NCAM1: variants seen among roughly 807,000 people sequenced by gnomAD.
NCAM1 encodes neural cell adhesion molecule 1.
Under a neutral mutation model 109.8 loss-of-function variants are expected in NCAM1, and 14 were observed. That is an observed-to-expected ratio of 0.13 (90% CI 0.08 to 0.20). The LOEUF (loss-of-function observed/expected upper bound fraction) is 0.20, where lower values mean the gene tolerates loss of function less well. Ranked by LOEUF, NCAM1 falls within the 10% of genes least tolerant of loss-of-function variation. The pLI is 1.00. For synonymous variants in NCAM1, 418 were observed against 442.9 expected, an observed-to-expected ratio of 0.94 and a Z score of 0.70; for missense variants, 774 against 1,109.9, an observed-to-expected ratio of 0.70 and a Z score of 4.30.
At chr11:113,089,927 A>G (rs1006441162) in intron 1 of NCAM1, among the ~76,000 whole-genome samples, 7 of 152,216 alleles carry the variant, frequency 4.6e-5, no homozygotes, top group African/African-American at 1.7e-4. Flanking sequence ...TCTTGTCTAT[A>G]AGATTCTATT....
In NCAM1 at chr11:113,246,355, C is replaced by T. The variant is rs782108431; in HGVS notation, c.1826-13C>T. The T allele has an allele frequency of 2.6e-5, 19 of 741,678 alleles. No individual in the cohort carries two copies. Among genetic ancestry groups the T allele is most frequent in the South Asian group, 1.1e-4 (8 of 69,998 alleles). The allele number at this position is 741,678 out of a possible 1,614,324, so 45.9% of individuals were successfully genotyped here. Reference sequence around the variant, plus strand: ...TGCATGGTGCTGATGATGTCGTCCACGCTGGTGAACAGAAGGTAAAACTCT... The same window carrying T: ...TGCATGGTGCTGATGATGTCGTCCATGCTGGTGAACAGAAGGTAAAACTCT... On this transcript the variant is annotated splice_polypyrimidine_tract_variant and intron_variant, in intron 14 of 19. Transcript: ENST00000316851.
chr11:113,138,219 A>C lies in NCAM1; in HGVS notation c.53-64160A>C, dbSNP rs148506536. On this transcript the variant is annotated intron_variant, in intron 1 of 19. Coordinates refer to ENST00000316851, the MANE Select transcript of NCAM1 (RefSeq NM_181351.5). ...TTTCCCCAAATTGATTAATTTCTCG[A>C]CGTGCTGGCAGGTTTTTCCATGGAT... Among the ~76,000 whole-genome samples the C allele has an allele frequency of 5.3e-5, 8 of 152,332 alleles. No individual in the cohort carries two copies. The East Asian group carries it at 1.2e-3, about 22-fold the overall frequency.
chr11:113,195,495 A>ATTTTTTTTT (rs561856662), intron 1 of NCAM1, among the ~76,000 whole-genome samples: 2 of 85,584 alleles, frequency 2.3e-5, no homozygotes, highest in Non-Finnish European at 2.0e-5. Flanking sequence ...CCCTTAGTAG[A>ATTTTTTTTT]TTTTTTTTTT....
intron 1 of NCAM1, among the ~76,000 whole-genome samples, chr11:113,173,064 T>C (rs1943040599): frequency 6.6e-6 from 1 of 152,156 alleles, no homozygotes; most frequent in Non-Finnish European, 1.5e-5. Flanking sequence ...ATACTGATGT[T>C]CCCTCAGAAA....
At chr11:113,215,845 C>A (rs1944511658) in intron 8 of NCAM1, among the ~76,000 whole-genome samples, 2 of 152,170 alleles carry the variant, frequency 1.3e-5, no homozygotes, top group African/African-American at 4.8e-5. Context: ...AGATTTCAGC[C>A]CCACTCATGT....
intron 1 of NCAM1, among the ~76,000 whole-genome samples, chr11:113,147,527 A>C (rs1176270135): frequency 6.6e-6 from 1 of 152,188 alleles, no homozygotes; most frequent in Non-Finnish European, 1.5e-5. Context: ...CCTCTTCTCT[A>C]ATGAGGTCAC....
intron 1 of NCAM1, among the ~76,000 whole-genome samples, chr11:113,154,094 G>A (rs1942329689): frequency 6.6e-6 from 1 of 152,216 alleles, no homozygotes; most frequent in Admixed American, 6.5e-5. Context: ...TTGCATAAGA[G>A]AATAAATGTA....
At chr11:113,075,467 G>A (rs892067582) in intron 1 of NCAM1, among the ~76,000 whole-genome samples, 1 of 152,138 alleles carries the variant, frequency 6.6e-6, no homozygotes, top group Admixed American at 6.5e-5. Context: ...TTTCTGTATC[G>A]GATGCCTGGT....
In NCAM1 at chr11:113,181,705, T is replaced by C. The variant is rs540829503; in HGVS notation, c.53-20674T>C. ...AATATTTAAGAAAAAAAAGAGGGGG[T>C]GGTTACTATGTGGTTGTAATCCAGA... On this transcript the variant is annotated intron_variant, in intron 1 of 19. Transcript: ENST00000316851. Among the ~76,000 whole-genome samples the C allele has an allele frequency of 3.2e-3, 491 of 151,612 alleles. 2 individuals are homozygous for C. Among genetic ancestry groups the C allele is most frequent in the African/African-American group, 0.011 (469 of 41,310 alleles).
chr11:113,051,551 A>G (rs1953490791), intron 1 of NCAM1, among the ~76,000 whole-genome samples: 1 of 152,158 alleles, frequency 6.6e-6, no homozygotes, highest in Non-Finnish European at 1.5e-5. Flanking sequence ...TAAGATTAAC[A>G]TTTTGGTGTC....
chr11:112,995,883 A>G (rs1176837909), intron 1 of NCAM1, among the ~76,000 whole-genome samples: 1 of 152,146 alleles, frequency 6.6e-6, no homozygotes. Context: ...GAAGTAATCA[A>G]TCAACTCTGC....
intron 1 of NCAM1, among the ~76,000 whole-genome samples, chr11:113,147,060 T>C (rs1300022985): frequency 1.3e-5 from 2 of 152,186 alleles, no homozygotes; most frequent in Admixed American, 1.3e-4. Context: ...TGCCATTATA[T>C]TGCTACCAAA....
At chr11:113,091,012 G>A (rs1237438413) in intron 1 of NCAM1, among the ~76,000 whole-genome samples, 2 of 152,210 alleles carry the variant, frequency 1.3e-5, no homozygotes, top group African/African-American at 2.4e-5. Flanking sequence ...TGGTAATAGG[G>A]AAAAGAAAGT....
At position 113,017,208 on chromosome 11, in the gene NCAM1, G is replaced by C. The variant is rs184896754; in HGVS notation, c.52+55544G>C. On this transcript the variant is annotated intron_variant, in intron 1 of 19. Coordinates refer to ENST00000316851, the MANE Select transcript of NCAM1 (RefSeq NM_181351.5). ...AGACACTCTTCGTTTACTACAGCTC[G>C]AGAGGTTTGTTGTTTGGTCCCTTGG... Among the ~76,000 whole-genome samples, 3 of 152,180 alleles carry C rather than the reference G, an allele frequency of 2.0e-5. No individual in the cohort carries two copies. In the East Asian group the frequency reaches 5.8e-4, roughly 29 times the overall value.
chr11:113,203,905 C>G (rs913421393), intron 2 of NCAM1, among the ~76,000 whole-genome samples: 23 of 152,150 alleles, frequency 1.5e-4, no homozygotes, highest in African/African-American at 5.6e-4. Flanking sequence ...CTCTGGCGCC[C>G]GAATCCTAAA....
chr11:113,121,070 A>G (rs997032617), intron 1 of NCAM1, among the ~76,000 whole-genome samples: 7 of 152,070 alleles, frequency 4.6e-5, no homozygotes, highest in Non-Finnish European at 1.0e-4. Flanking sequence ...TTGTGTCTTT[A>G]GGGGTCCAGT....
intron 1 of NCAM1, among the ~76,000 whole-genome samples, chr11:113,132,658 G>T (rs369513544): frequency 5.3e-5 from 8 of 151,328 alleles, no homozygotes; most frequent in African/African-American, 9.7e-5. Context: ...GTGTCAGAGC[G>T]GGGGTGGGGG....
rs550764255 is a variant in NCAM1, at chr11:112,963,908, C to G, written c.52+2244C>G. On this transcript the variant is annotated intron_variant, in intron 1 of 19. Transcript: ENST00000316851. The surrounding 1 kb of genome is among the most constrained non-coding windows in gnomAD (Gnocchi z 4.6). ...AATGAAAGCGACCTCTTTCCTGGCC[C>G]GGTACCTTGAGGATGGGAAGAAGGC... Among the ~76,000 whole-genome samples the G allele has an allele frequency of 1.1e-4, 17 of 152,094 alleles. No homozygotes were observed. The highest frequency in any genetic ancestry group is 4.6e-4 in the Admixed American group (7 of 15,292).
intron 17 of NCAM1, among the ~76,000 whole-genome samples, chr11:113,260,653 CT>C (rs1298908323): frequency 5.3e-5 from 8 of 152,234 alleles, no homozygotes; most frequent in Non-Finnish European, 1.2e-4. Flanking sequence ...AGTAAGGATC[CT>C]TTTTTGAGAC....
Sources: gnomAD v4.1 joint callset for allele counts (sites outside exome capture counted in the v4.1 genomes callset) on GRCh38, gnomAD v4.1.1 for gene constraint, Gnocchi (gnomAD v3.1) non-coding constraint, MANE v1.5 for transcripts, NCBI Gene and HGNC (gene_info 2026-07-23, HGNC 2026-07-21) for gene names.